Variants in BLK observed in about 807,000 individuals in gnomAD.
BLK encodes the protein tyrosine-protein kinase Blk.
Under a neutral mutation model 61.8 loss-of-function variants are expected in BLK, and 64 were observed. That is an observed-to-expected ratio of 1.03 (90% CI 0.85 to 1.27). The LOEUF is 1.27. Among genes scored for constraint, BLK ranks in the 50% most tolerant of loss-of-function variants. BLK has a pLI of 0.00. For synonymous variants in BLK, 351 were observed against 272.0 expected, an observed-to-expected ratio of 1.29 and a Z score of -2.86; for missense variants, 853 against 660.5, an observed-to-expected ratio of 1.29 and a Z score of -3.19.
intron 10 of BLK, 44 bp downstream of exon 10, chr8:11,558,082 C>G (rs1048956178): frequency 3.8e-6 from 6 of 1,588,764 alleles, no homozygotes; most frequent in African/African-American, 1.3e-5. Context: ...CATGTGCCAC[C>G]TGCTGCCCAC....
At chr8:11,545,852 G>T in intron 2 of BLK, 200 bp from the exon 3 acceptor site, 3 of 665,874 alleles carry the variant, frequency 4.5e-6, no homozygotes, top group Non-Finnish European at 2.7e-6. Context: ...GGCAAAGGCA[G>T]CAGAGGGCGG....
chr8:11,513,064 G>A (rs1017687293), intron 1 of BLK, among the ~76,000 whole-genome samples: 3 of 152,228 alleles, frequency 2.0e-5, no homozygotes, highest in Admixed American at 6.5e-5. Context: ...GTCTCTTGAA[G>A]TTCTTTTTTG....
At chr8:11,497,493 G>T (rs1369137724) in intron 1 of BLK, among the ~76,000 whole-genome samples, 1 of 152,152 alleles carries the variant, frequency 6.6e-6, no homozygotes, top group Non-Finnish European at 1.5e-5. Flanking sequence ...CACACCCAGG[G>T]CTCTGGTTTG....
chr8:11,534,535 C>T (rs1201862736), intron 1 of BLK, among the ~76,000 whole-genome samples: 2 of 152,164 alleles, frequency 1.3e-5, no homozygotes, highest in Non-Finnish European at 2.9e-5. Context: ...TGACTTAACA[C>T]AGCTTTATAA....
intron 3 of BLK, 51 bp from the exon 4 acceptor site, chr8:11,547,981 C>G (rs1207696901): frequency 6.6e-7 from 1 of 1,515,484 alleles, no homozygotes; most frequent in Non-Finnish European, 9.2e-7. Flanking sequence ...CCAGCCCCAC[C>G]TTCCCGCTTG....
chr8:11,539,308 C>T (rs1273460654), intron 1 of BLK, among the ~76,000 whole-genome samples: 5 of 152,144 alleles, frequency 3.3e-5, no homozygotes, highest in African/African-American at 1.2e-4. Context: ...CAACATGGTA[C>T]CGAAATTCCT....
At position 11,562,981 on chromosome 8, in the gene BLK, G is replaced by C; in HGVS notation, c.1183G>C (p.Ala395Pro). Residue 395 changes from alanine to proline, a missense_variant and splice_region_variant, in exon 12 of 13, where the codon GCC becomes CCC. By Grantham distance (27) the Ala-to-Pro change is conservative. Coordinates refer to ENST00000259089, the MANE Select transcript of BLK (RefSeq NM_001715.3). ...AGCTTGCATGGCTTTTCCCACAGGGGCCAAGTTCCCCATCAAGTGGACAGC... is the reference window on the plus strand; with the variant it reads ...AGCTTGCATGGCTTTTCCCACAGGGCCCAAGTTCCCCATCAAGTGGACAGC... ...IDSEYTAQEG[A>P]KFPIKWTAPE... 1 of 1,614,068 alleles carries C rather than the reference G, an allele frequency of 6.2e-7. No individual in the cohort carries two copies. Among genetic ancestry groups the C allele is most frequent in the Non-Finnish European group, 8.5e-7 (1 of 1,180,010 alleles).
At position 11,543,297 on chromosome 8, in the gene BLK, C is replaced by T; in HGVS notation, c.73C>T (p.Pro25Ser). 6.2e-7 allele frequency: 1 copy of T among 1,613,786 alleles called. No homozygotes were observed. Residue 25 changes from proline to serine, a missense_variant, in exon 2 of 13, where the codon CCC becomes TCC. By Grantham distance (74) the Pro-to-Ser change is moderately conservative (BLOSUM62 -1). Transcript: ENST00000259089. ...AGAGAAGGACAAGGGCCAATGGAGCCCCCTGAAGGTCAGCGCCCAAGACAA... is the reference window on the plus strand; with the variant it reads ...AGAGAAGGACAAGGGCCAATGGAGCTCCCTGAAGGTCAGCGCCCAAGACAA... Reference protein sequence around the residue: ...IKEKDKGQWSPLKVSAQDKDA... With the variant: ...IKEKDKGQWSSLKVSAQDKDA...
chr8:11,514,184 A>C (rs957243735), intron 1 of BLK, among the ~76,000 whole-genome samples: 4 of 152,140 alleles, frequency 2.6e-5, no homozygotes, highest in Admixed American at 2.6e-4. Flanking sequence ...GTCCCTGGTC[A>C]CCTTGACCAT....
chr8:11,505,423 C>A (rs1476631728), intron 1 of BLK, among the ~76,000 whole-genome samples: 1 of 152,170 alleles, frequency 6.6e-6, no homozygotes, highest in African/African-American at 2.4e-5. Context: ...ACCTGCCAAG[C>A]CAGAGGGTGA....
intron 10 of BLK, among the ~76,000 whole-genome samples, chr8:11,559,616 A>G (rs1801393697): frequency 6.6e-6 from 1 of 152,096 alleles, no homozygotes; most frequent in African/African-American, 2.4e-5. Flanking sequence ...AAGCCATGCA[A>G]AGTCTCGCCA....
chr8:11,494,962 A>G (rs1303178872), intron 1 of BLK, among the ~76,000 whole-genome samples: 2 of 152,178 alleles, frequency 1.3e-5, no homozygotes, highest in East Asian at 3.9e-4. Flanking sequence ...GGTGATATTG[A>G]CTGTGCAGAG....
intron 1 of BLK, among the ~76,000 whole-genome samples, chr8:11,516,202 G>A (rs1461361124): frequency 1.3e-5 from 2 of 152,230 alleles, no homozygotes; most frequent in South Asian, 4.1e-4. Context: ...TGAGTCCCTG[G>A]AGTAGTCCCA....
chr8:11,526,887 G>A (rs929720241), intron 1 of BLK, among the ~76,000 whole-genome samples: 11 of 152,184 alleles, frequency 7.2e-5, no homozygotes, highest in African/African-American at 2.4e-4. Flanking sequence ...AATACATAGA[G>A]AAGGCCATCT....
chr8:11,564,271 C>G lies in BLK; in HGVS notation c.*163C>G. ...TTCGCAGGGGGTCCCCGGACGGACT[C>G]CTTCACCGACTGCACCCCCGGGCGA... On this transcript the variant is annotated 3_prime_UTR_variant, in exon 13 of 13. Transcript: ENST00000259089. 1 of 854,996 alleles carries G rather than the reference C, an allele frequency of 1.2e-6. No homozygotes were observed. The highest frequency in any genetic ancestry group is 1.9e-6 in the Non-Finnish European group (1 of 527,830). 53.0% of individuals were successfully genotyped at this position (854,996 alleles called of 1,614,324 possible).
chr8:11,528,294 C>A (rs746037225), intron 1 of BLK, among the ~76,000 whole-genome samples: 1 of 152,124 alleles, frequency 6.6e-6, no homozygotes, highest in East Asian at 1.9e-4. Context: ...CCTTGGCCTC[C>A]CAAAGTGCTG....
intron 10 of BLK, chr8:11,560,455 C>T (rs1801458240): frequency 4.2e-6 from 1 of 238,002 alleles, no homozygotes. Context: ...AAAATGCAAG[C>T]ATAAGGAGAA....
At chr8:11,545,892 G>A (rs557193305) in intron 2 of BLK, 160 bp from the exon 3 acceptor site, 98 of 800,878 alleles carry the variant, frequency 1.2e-4, no homozygotes, top group Non-Finnish European at 2.0e-4. Context: ...GCTGGTCCCT[G>A]GGTACAGAAT....
intron 2 of BLK, among the ~76,000 whole-genome samples, chr8:11,544,984 AT>A (rs561701352): frequency 1.9e-4 from 29 of 152,104 alleles, no homozygotes; most frequent in Non-Finnish European, 4.0e-4. Context: ...AATACCCAGA[AT>A]CTGTTTATCA....
Sources: allele counts gnomAD v4.1 joint callset (sites outside exome capture counted in the v4.1 genomes callset), GRCh38; gene constraint gnomAD v4.1.1; transcripts MANE v1.5; gene names NCBI Gene and HGNC (gene_info 2026-07-23, HGNC 2026-07-21).